The following SCPEP1 variants were observed in gnomAD, a reference collection of about 807,000 sequenced individuals.
SCPEP1 encodes the protein serine carboxypeptidase 1.
Under a neutral mutation model 63.8 loss-of-function variants are expected in SCPEP1, and 51 were observed. That is an observed-to-expected ratio of 0.80 (90% CI 0.64 to 1.01). SCPEP1 has a LOEUF of 1.01. Ranked by LOEUF, SCPEP1 falls within the 50% of genes least tolerant of loss-of-function variation. The pLI, the probability that SCPEP1 is intolerant of heterozygous loss-of-function variation, is 0.00. For synonymous variants in SCPEP1, 204 were observed against 207.8 expected (o/e 0.98, Z 0.16); for missense variants, 499 against 554.9 (o/e 0.90, Z 1.01).
intron 3 of SCPEP1, chr17:56,987,491 G>T: frequency 2.4e-6 from 1 of 411,498 alleles, no homozygotes; most frequent in Non-Finnish European, 4.2e-6. Context: ...GCGGCGGCGG[G>T]GGCGGTTGGC....
intron 3 of SCPEP1, chr17:56,987,440 G>C: frequency 3.2e-6 from 1 of 312,910 alleles, no homozygotes; most frequent in South Asian, 5.8e-5. Context: ...ATCCCCGTGT[G>C]TGTTAATCTT....
intron 9 of SCPEP1, among the ~76,000 whole-genome samples, chr17:56,997,383 T>C (rs984835513): frequency 1.3e-5 from 2 of 152,206 alleles, no homozygotes; most frequent in African/African-American, 4.8e-5. Flanking sequence ...AATCGCACAA[T>C]AGTTAGTCTT....
In SCPEP1 at chr17:57,001,923, T is replaced by C. The variant is rs568040473; in HGVS notation, c.1133-95T>C. On this transcript the variant is annotated intron_variant, in intron 11 of 12. Coordinates refer to ENST00000262288, the MANE Select transcript of SCPEP1 (RefSeq NM_021626.3). ...GATCCTGAGTGAGTTTCATGCATAT[T>C]GCAGTTTGGGAAGCACCAACTTTTA... is the stretch of plus-strand genomic sequence containing the variant. 417 of 1,270,458 alleles carry C rather than the reference T, an allele frequency of 3.3e-4. 6 individuals carry two copies. The South Asian group carries it at 4.9e-3, about 15-fold the overall frequency. The allele number at this position is 1,270,458 out of a possible 1,614,324, so 78.7% of individuals were successfully genotyped here.
chr17:56,990,386 T>A (rs927754415), intron 5 of SCPEP1, among the ~76,000 whole-genome samples: 1 of 152,204 alleles, frequency 6.6e-6, no homozygotes. Flanking sequence ...AGAAACAGCA[T>A]ATGTACATTA....
intron 9 of SCPEP1, chr17:56,998,009 C>A: frequency 5.2e-6 from 1 of 193,042 alleles, no homozygotes; most frequent in South Asian, 1.0e-4. Context: ...GCATCCCCAG[C>A]AGCTTGGTAA....
chr17:56,985,180 C>T, intron 2 of SCPEP1, 198 bp from the exon 3 acceptor site: 1 of 608,492 alleles, frequency 1.6e-6, no homozygotes, highest in Non-Finnish European at 2.9e-6. Flanking sequence ...AGCTCTGCTC[C>T]TTTCAGAGAA....
chr17:56,991,073 A>G (rs762449029), intron 5 of SCPEP1, 26 bp from the exon 6 acceptor site: 3 of 1,587,372 alleles, frequency 1.9e-6, no homozygotes, highest in South Asian at 2.2e-5. Context: ...ACCTGGCCTG[A>G]GGACGTTTCT....
chr17:56,998,337 G>T, intron 9 of SCPEP1, 48 bp from the exon 10 acceptor site: 3 of 1,201,586 alleles, frequency 2.5e-6, no homozygotes, highest in Admixed American at 1.8e-5. Flanking sequence ...ATGTCCTCTT[G>T]GCCTTACTTC....
intron 5 of SCPEP1, among the ~76,000 whole-genome samples, chr17:56,990,325 G>T (rs1911354978): frequency 6.6e-6 from 1 of 152,170 alleles, no homozygotes; most frequent in Admixed American, 6.5e-5. Flanking sequence ...TTGAATATCA[G>T]TGAGCTTAAA....
chr17:57,000,697 A>G (rs1044693128), intron 10 of SCPEP1, among the ~76,000 whole-genome samples, 158 bp from the exon 11 acceptor site: 7 of 152,200 alleles, frequency 4.6e-5, no homozygotes, highest in African/African-American at 1.4e-4. Context: ...ACACCTGACC[A>G]GTCGGCACAA....
At chr17:56,989,453 A>G (rs996672458) in intron 5 of SCPEP1, among the ~76,000 whole-genome samples, 22 of 152,212 alleles carry the variant, frequency 1.4e-4, no homozygotes, top group East Asian at 7.7e-4. Flanking sequence ...GACAATGTCA[A>G]TTTTTTAAAG....
chr17:56,985,930 A>C (rs975173902), intron 3 of SCPEP1, among the ~76,000 whole-genome samples: 1 of 147,888 alleles, frequency 6.8e-6, no homozygotes, highest in Admixed American at 6.8e-5. Flanking sequence ...TCCTTCCCTC[A>C]CCCCTCTGTG....
chr17:56,997,359 T>C (rs1241535658), intron 9 of SCPEP1, among the ~76,000 whole-genome samples: 1 of 152,222 alleles, frequency 6.6e-6, no homozygotes, highest in African/African-American at 2.4e-5. Flanking sequence ...TTTCTGAACA[T>C]TTTATATAAA....
chr17:56,997,931 C>G (rs1181415208), intron 9 of SCPEP1: 1 of 162,086 alleles, frequency 6.2e-6, no homozygotes, highest in African/African-American at 2.4e-5. Context: ...CTTCCTCCCG[C>G]TGGGGGTGAA....
intron 10 of SCPEP1, among the ~76,000 whole-genome samples, chr17:56,999,569 G>C (rs370622506): frequency 4.8e-4 from 73 of 152,282 alleles, no homozygotes; most frequent in African/African-American, 1.7e-3. Flanking sequence ...TTTCTCAGGG[G>C]ACATGGGCCC....
rs759712341 is a variant in SCPEP1 at position 56,995,498 on chromosome 17, G to T, written c.658-9G>T. 1 of 1,608,754 alleles carries T rather than the reference G, an allele frequency of 6.2e-7. No homozygotes were observed. The highest frequency in any genetic ancestry group is 1.1e-5 in the South Asian group (1 of 90,132). Reference sequence around the variant, plus strand: ...AAGTGGGTCTTTTTGCTCTTGGTTTGCATTCCAGTCTCTTCTCGAAGACAA... The same window carrying T: ...AAGTGGGTCTTTTTGCTCTTGGTTTTCATTCCAGTCTCTTCTCGAAGACAA... On this transcript the variant is annotated splice_polypyrimidine_tract_variant and intron_variant, in intron 7 of 12. Transcript: ENST00000262288.
intron 10 of SCPEP1, among the ~76,000 whole-genome samples, chr17:57,000,531 G>A (rs1169295881): frequency 6.6e-6 from 1 of 152,164 alleles, no homozygotes; most frequent in Non-Finnish European, 1.5e-5. Flanking sequence ...TTTATTCCCT[G>A]AGTGTACCAG....
At position 56,981,154 on chromosome 17, in the gene SCPEP1, A is replaced by G; in HGVS notation, c.149A>G (p.Tyr50Cys). 6.2e-7 allele frequency: 1 copy of G among 1,614,128 alleles called. No homozygotes were observed. The highest frequency in any genetic ancestry group is 8.5e-7 in the Non-Finnish European group (1 of 1,179,990). ...WDYVTVRKDA[Y>C]MFWWLYYATN... is the part of the protein sequence containing the mutation. ...TATGTGACGGTCCGCAAGGATGCCTACATGTTCTGGTGGCTCTATTATGCC... is the reference window on the plus strand; with the variant it reads ...TATGTGACGGTCCGCAAGGATGCCTGCATGTTCTGGTGGCTCTATTATGCC... Residue 50 changes from tyrosine (Y) to cysteine (C), a missense_variant, in exon 2 of 13, where the codon TAC (tyrosine) becomes TGC (cysteine). Tyr to Cys is a radical substitution (Grantham distance 194). Coordinates refer to ENST00000262288, the MANE Select transcript of SCPEP1 (RefSeq NM_021626.3).
chr17:56,992,648 G>T (rs1911434778), intron 6 of SCPEP1, among the ~76,000 whole-genome samples: 1 of 152,132 alleles, frequency 6.6e-6, no homozygotes, highest in Non-Finnish European at 1.5e-5. Context: ...CTAACTTCAT[G>T]TAATCCTTAC....
Sources: allele counts gnomAD v4.1 joint callset (sites outside exome capture counted in the v4.1 genomes callset), GRCh38; gene constraint gnomAD v4.1.1; transcripts MANE v1.5; gene names NCBI Gene and HGNC (gene_info 2026-07-23, HGNC 2026-07-21).